Variants in PTPRM observed in about 807,000 individuals in gnomAD.
The protein encoded by PTPRM is protein tyrosine phosphatase receptor type M.
Under a neutral mutation model 186.7 loss-of-function variants are expected in PTPRM, and 47 were observed. The observed-to-expected ratio is 0.25, with a 90% CI of 0.20 to 0.32. PTPRM has a LOEUF of 0.32. Ranked by LOEUF, PTPRM falls within the 10% of genes least tolerant of loss-of-function variation. The pLI, the probability that PTPRM is intolerant of heterozygous loss-of-function variation, is 1.00. For missense variants in PTPRM, 1,494 were observed against 1,865.0 expected (o/e 0.80, Z 3.66); for synonymous variants, 668 against 674.9 (o/e 0.99, Z 0.16).
At chr18:7,969,485 C>T (rs1172885698) in intron 7 of PTPRM, among the ~76,000 whole-genome samples, 2 of 147,642 alleles carry the variant, frequency 1.4e-5, no homozygotes, top group Non-Finnish European at 3.0e-5. Context: ...AATAGAGACA[C>T]AAAAAACCCT....
In PTPRM at chr18:7,721,265, T is replaced by A. The variant is rs2040441527; in HGVS notation, c.74-52884T>A. Among the ~76,000 whole-genome samples, 15 of 152,210 alleles carry A rather than the reference T, an allele frequency of 9.9e-5. No individual in the cohort carries two copies. In the South Asian group the frequency reaches 3.1e-3, roughly 32 times the overall value. On this transcript the variant is annotated intron_variant, in intron 1 of 32. Coordinates refer to ENST00000580170, the MANE Select transcript of PTPRM (RefSeq NM_001105244.2). ...TTTTTATATTCTTTTTGGCCATTTG[T>A]ATATCTTCTTTGGAGGAATGTCTAT...
At chr18:8,053,385 A>G (rs2087653285) in intron 7 of PTPRM, among the ~76,000 whole-genome samples, 1 of 152,052 alleles carries the variant, frequency 6.6e-6, no homozygotes, top group Admixed American at 6.6e-5. Context: ...TTGTGCTTCT[A>G]ATTGAGTCAG....
At chr18:7,733,349 G>C (rs949434435) in intron 1 of PTPRM, among the ~76,000 whole-genome samples, 2 of 152,062 alleles carry the variant, frequency 1.3e-5, no homozygotes, top group African/African-American at 2.4e-5. Context: ...TTGGTTTTCT[G>C]ATCCTGTTAG....
At chr18:8,235,834 G>A (rs1189282309) in intron 14 of PTPRM, among the ~76,000 whole-genome samples, 2 of 151,796 alleles carry the variant, frequency 1.3e-5, no homozygotes, top group African/African-American at 2.4e-5. Context: ...TTTGACCTGT[G>A]TTTTACTTAA....
intron 2 of PTPRM, among the ~76,000 whole-genome samples, chr18:7,875,458 G>T (rs1282704041): frequency 2.0e-5 from 3 of 151,744 alleles, no homozygotes; most frequent in Admixed American, 2.0e-4. Context: ...CGAGTAGCTG[G>T]AACTACAGGC....
intron 1 of PTPRM, among the ~76,000 whole-genome samples, chr18:7,625,146 A>G (rs2038030646): frequency 6.6e-6 from 1 of 152,234 alleles, no homozygotes; most frequent in African/African-American, 2.4e-5. Flanking sequence ...TCATGAAAAA[A>G]GCTTTTAGAA....
chr18:8,090,785 G>A (rs531540407), intron 11 of PTPRM, among the ~76,000 whole-genome samples: 2 of 152,274 alleles, frequency 1.3e-5, no homozygotes, highest in African/African-American at 4.8e-5. Context: ...AGTAGAGACA[G>A]GGTTTCATCA....
intron 23 of PTPRM, chr18:8,365,810 C>T (rs1198195594): frequency 6.6e-6 from 1 of 152,438 alleles, no homozygotes; most frequent in Non-Finnish European, 1.5e-5. Context: ...GCTCCTTGGC[C>T]TCTGAATTCC....
At position 8,168,071 on chromosome 18, in the gene PTPRM, T is replaced by C. The variant is rs2093348700; in HGVS notation, c.2300+24292T>C. On this transcript the variant is annotated intron_variant, in intron 14 of 32. Transcript: ENST00000580170. ...GGAAATGGTCTCTGCTTCTCAACCC[T>C]GGACAATGCTGAGTATGTTTCTAGC... Among the ~76,000 whole-genome samples, 4 of 152,252 alleles carry C rather than the reference T, an allele frequency of 2.6e-5. No homozygotes were observed. In the South Asian group the frequency reaches 6.2e-4, roughly 24 times the overall value.
chr18:7,868,018 G>C (rs559863272), intron 2 of PTPRM, among the ~76,000 whole-genome samples: 207 of 152,168 alleles, frequency 1.4e-3, no homozygotes, highest in African/African-American at 4.6e-3. Flanking sequence ...GCTTCACGAA[G>C]TTCTCGTGCT....
intron 14 of PTPRM, among the ~76,000 whole-genome samples, chr18:8,178,472 C>T (rs902510225): frequency 6.6e-6 from 1 of 152,154 alleles, no homozygotes; most frequent in Non-Finnish European, 1.5e-5. Context: ...TTATTTGCCA[C>T]ATAGGCTCCT....
At chr18:7,753,355 T>G (rs2041315282) in intron 1 of PTPRM, among the ~76,000 whole-genome samples, 1 of 152,108 alleles carries the variant, frequency 6.6e-6, no homozygotes, top group Non-Finnish European at 1.5e-5. Context: ...TATATTTATT[T>G]TCTACATTTT....
chr18:7,772,250 TTTTCTTTTC>T (rs1164027872), intron 1 of PTPRM, among the ~76,000 whole-genome samples: 1 of 117,174 alleles, frequency 8.5e-6, no homozygotes, highest in Admixed American at 8.0e-5. Flanking sequence ...ATCTTTTTTC[TTTTCTTTTC>T]TTTTCTTTTC....
chr18:7,620,415 G>C (rs902719568), intron 1 of PTPRM, among the ~76,000 whole-genome samples: 3 of 152,038 alleles, frequency 2.0e-5, no homozygotes, highest in Non-Finnish European at 4.4e-5. Context: ...AGAATGCCTG[G>C]ACCCCCGACC....
intron 1 of PTPRM, among the ~76,000 whole-genome samples, chr18:7,615,532 A>G (rs2143904453): frequency 1.3e-5 from 2 of 152,202 alleles, no homozygotes; most frequent in South Asian, 4.2e-4. Flanking sequence ...CATCCCTGTC[A>G]TCTGGGAGGC....
At chr18:8,386,893 T>C (rs1030629407) in intron 30 of PTPRM, among the ~76,000 whole-genome samples, 179 bp from the exon 31 acceptor site, 1 of 152,218 alleles carries the variant, frequency 6.6e-6, no homozygotes, top group Non-Finnish European at 1.5e-5. Flanking sequence ...CTGGTTGTTT[T>C]TAACTGCTCG....
At chr18:8,027,399 G>A (rs765924183) in intron 7 of PTPRM, among the ~76,000 whole-genome samples, 27 of 152,120 alleles carry the variant, frequency 1.8e-4, no homozygotes, top group Non-Finnish European at 3.1e-4. Flanking sequence ...AATAATAGAA[G>A]TCTTTGCTGC....
chr18:7,868,382 G>A (rs2047818217), intron 2 of PTPRM, among the ~76,000 whole-genome samples: 1 of 152,164 alleles, frequency 6.6e-6, no homozygotes, highest in African/African-American at 2.4e-5. Flanking sequence ...GGTTTTTGGT[G>A]TGGATGTCCT....
In PTPRM at chr18:7,568,329, C is replaced by T. The variant is rs781668895; in HGVS notation, c.73+438C>T. Among the ~76,000 whole-genome samples, 1 of 151,808 alleles carries T rather than the reference C, an allele frequency of 6.6e-6. No individual in the cohort carries two copies. Among genetic ancestry groups the T allele is most frequent in the Non-Finnish European group, 1.5e-5 (1 of 67,924 alleles). ...ACCCCGAGCAGCGGCCGGGCCCAGG[C>T]CGCTGGTGTTCGGCTGCGCCCGCAG... On this transcript the variant is annotated intron_variant, in intron 1 of 32. Transcript: ENST00000580170. This position sits in a 1 kb window ranked among gnomAD's most constrained non-coding sequence, Gnocchi z 5.1.
Sources: gnomAD v4.1 joint callset for allele counts (sites outside exome capture counted in the v4.1 genomes callset) on GRCh38, gnomAD v4.1.1 for gene constraint, Gnocchi (gnomAD v3.1) non-coding constraint, MANE v1.5 for transcripts, NCBI Gene and HGNC (gene_info 2026-07-23, HGNC 2026-07-21) for gene names.